Variants in PKIB observed in about 807,000 individuals in gnomAD.
The protein encoded by PKIB is PKI-beta.
In PKIB, 2 loss-of-function variants were observed where a neutral mutation model predicts 4.5. The ratio of observed to expected loss-of-function variants is 0.44; its 90% CI spans 0.18 to 1.39. The LOEUF (loss-of-function observed/expected upper bound fraction) is 1.39, where lower values mean the gene tolerates loss of function less well. PKIB is among the 40% of genes most tolerant of loss of function. PKIB has a pLI of 0.27. For synonymous variants in PKIB, 38 were observed against 36.0 expected, an observed-to-expected ratio of 1.06 and a Z score of -0.20; for missense variants, 94 against 92.6, an observed-to-expected ratio of 1.02 and a Z score of -0.06.
At chr6:122,633,932 A>ATCTG (rs1775800781) in intron 2 of PKIB, among the ~76,000 whole-genome samples, 1 of 145,882 alleles carries the variant, frequency 6.9e-6, no homozygotes, top group Non-Finnish European at 1.5e-5. Flanking sequence ...TATCTGTCCT[A>ATCTG]TCTATCTATC....
At chr6:122,721,279 T>C (rs988297344) in intron 4 of PKIB, among the ~76,000 whole-genome samples, 1 of 152,184 alleles carries the variant, frequency 6.6e-6, no homozygotes, top group African/African-American at 2.4e-5. Flanking sequence ...TCTTTCCCAT[T>C]ATACCAATTT....
At chr6:122,711,193 A>G (rs1235787822) in intron 3 of PKIB, among the ~76,000 whole-genome samples, 2 of 152,150 alleles carry the variant, frequency 1.3e-5, no homozygotes, top group African/African-American at 4.8e-5. Context: ...AAGCTAATGT[A>G]TTAAAAAGGA....
chr6:122,519,669 A>C (rs1466498243), intron 2 of PKIB, among the ~76,000 whole-genome samples: 9 of 152,244 alleles, frequency 5.9e-5, no homozygotes, highest in Admixed American at 5.2e-4. Flanking sequence ...TCACTAGTAG[A>C]GATGCCTTTT....
At chr6:122,609,410 A>G (rs1774658209), upstream of PKIB, among the ~76,000 whole-genome samples, 1 of 152,256 alleles carries the variant, frequency 6.6e-6, no homozygotes, top group Non-Finnish European at 1.5e-5. Context: ...TGAATAATTT[A>G]AAGAACTTGA....
At chr6:122,628,882 G>A (rs1261804312) in intron 1 of PKIB, among the ~76,000 whole-genome samples, 1 of 152,138 alleles carries the variant, frequency 6.6e-6, no homozygotes, top group East Asian at 1.9e-4. Flanking sequence ...CCTTACTAGA[G>A]GTTACCTAGT....
chr6:122,486,083 C>T (rs1031935784), intron 2 of PKIB, among the ~76,000 whole-genome samples: 3 of 152,134 alleles, frequency 2.0e-5, no homozygotes, highest in East Asian at 3.8e-4. Flanking sequence ...ACCCCCCTGA[C>T]TCTAAAATAA....
At chr6:122,620,769 T>C (rs564639349) in intron 1 of PKIB, among the ~76,000 whole-genome samples, 53 of 152,208 alleles carry the variant, frequency 3.5e-4, no homozygotes, top group African/African-American at 1.3e-3. Flanking sequence ...GTAAATGCTG[T>C]TTTGTAAATT....
At chr6:122,531,147 A>G (rs1198614797) in intron 2 of PKIB, 1 of 152,180 alleles carries the variant, frequency 6.6e-6, no homozygotes, top group Non-Finnish European at 1.5e-5. Flanking sequence ...AGCTATACAA[A>G]AATTGAATTA....
chr6:122,690,959 T>C (rs1370094610), intron 3 of PKIB, among the ~76,000 whole-genome samples: 2 of 148,958 alleles, frequency 1.3e-5, no homozygotes, highest in Non-Finnish European at 3.0e-5. Context: ...CCAAATATAC[T>C]ATTCTAGGGT....
intron 2 of PKIB, among the ~76,000 whole-genome samples, chr6:122,659,970 CATTT>C (rs1398516779): frequency 6.6e-6 from 1 of 152,150 alleles, no homozygotes; most frequent in African/African-American, 2.4e-5. Flanking sequence ...AAAATGGAAA[CATTT>C]ATCCAGTGCA....
chr6:122,722,525 A>C (rs905509310), intron 4 of PKIB, among the ~76,000 whole-genome samples: 2 of 152,168 alleles, frequency 1.3e-5, no homozygotes, highest in Non-Finnish European at 2.9e-5. Flanking sequence ...CTTCTCTGAA[A>C]GCTATAAAGC....
intron 2 of PKIB, among the ~76,000 whole-genome samples, chr6:122,580,170 A>G (rs1344703137): frequency 6.6e-6 from 1 of 152,156 alleles, no homozygotes. Flanking sequence ...AGAAAGTTCT[A>G]TGTGAATGTA....
chr6:122,670,907 A>G (rs1265693589), intron 2 of PKIB, among the ~76,000 whole-genome samples: 2 of 152,234 alleles, frequency 1.3e-5, no homozygotes, highest in African/African-American at 2.4e-5. Context: ...ACATAGTCAG[A>G]TGATGTTCAG....
chr6:122,541,880 TTC>T (rs1026617837), intron 2 of PKIB, among the ~76,000 whole-genome samples: 4 of 152,006 alleles, frequency 2.6e-5, no homozygotes, highest in Non-Finnish European at 4.4e-5. Context: ...CTTTGTTCGT[TTC>T]TTTTTATTCT....
chr6:122,548,644 A>C (rs1772577700), intron 2 of PKIB, among the ~76,000 whole-genome samples: 1 of 152,214 alleles, frequency 6.6e-6, no homozygotes. Flanking sequence ...TTTAGGTTAT[A>C]AAGAGACAAA....
At chr6:122,585,739 T>C (rs1773830468) in intron 2 of PKIB, among the ~76,000 whole-genome samples, 1 of 152,154 alleles carries the variant, frequency 6.6e-6, no homozygotes, top group Admixed American at 6.6e-5. Flanking sequence ...CATGCCACTA[T>C]CCTGCTTCCT....
chr6:122,507,643 G>A (rs1018337349), intron 2 of PKIB, among the ~76,000 whole-genome samples: 30 of 151,834 alleles, frequency 2.0e-4, no homozygotes, highest in African/African-American at 7.2e-4. Flanking sequence ...CGTGTTGGGG[G>A]CGGGGGTGGA....
At chr6:122,528,270 A>T (rs1219802302) in intron 2 of PKIB, among the ~76,000 whole-genome samples, 3 of 151,978 alleles carry the variant, frequency 2.0e-5, no homozygotes, top group African/African-American at 4.8e-5. Flanking sequence ...TTCATCTTAC[A>T]TGTGTTCTTA....
At chr6:122,488,872 A>G (rs1443706663) in intron 2 of PKIB, among the ~76,000 whole-genome samples, 3 of 152,186 alleles carry the variant, frequency 2.0e-5, no homozygotes, top group Non-Finnish European at 4.4e-5. Flanking sequence ...ATCTCTGTCT[A>G]TCTAAGAAAT....
Sources: gnomAD v4.1 joint callset for allele counts (sites outside exome capture counted in the v4.1 genomes callset) on GRCh38, gnomAD v4.1.1 for gene constraint, MANE v1.5 for transcripts, NCBI Gene and HGNC (gene_info 2026-07-23, HGNC 2026-07-21) for gene names.